SYN3: variants seen among roughly 807,000 people sequenced by gnomAD.
SYN3 encodes the protein synapsin III, also known as synapsin-3.
A neutral mutation model predicts 65.8 loss-of-function variants in SYN3; 35 were observed. That is an observed-to-expected ratio of 0.53 (90% CI 0.41 to 0.70). The LOEUF (loss-of-function observed/expected upper bound fraction) is 0.70, where lower values mean the gene tolerates loss of function less well. SYN3 is among the 30% of genes least tolerant of loss of function. The pLI is 0.00. For synonymous variants in SYN3, 270 were observed against 292.9 expected (o/e 0.92, Z 0.80); for missense variants, 680 against 749.0 (o/e 0.91, Z 1.08).
chr22:32,971,826 G>C (rs1000833956), intron 3 of SYN3, among the ~76,000 whole-genome samples: 1 of 152,198 alleles, frequency 6.6e-6, no homozygotes, highest in Non-Finnish European at 1.5e-5. Flanking sequence ...TTCCCTGGGA[G>C]CTCCATCACT....
intron 6 of SYN3, among the ~76,000 whole-genome samples, chr22:32,605,222 A>T (rs1030090098): frequency 6.6e-6 from 1 of 152,048 alleles, no homozygotes; most frequent in African/African-American, 2.4e-5. Context: ...ATATGCGAAC[A>T]GGCAGAGTCA....
At chr22:32,516,358 T>G (rs2413124) in intron 13 of SYN3, among the ~76,000 whole-genome samples, 82,324 of 151,104 alleles carry the variant, frequency 0.54, 25,001 homozygotes, top group East Asian at 0.9. Flanking sequence ...TTTATTTATT[T>G]ATTTATTTAT....
intron 6 of SYN3, among the ~76,000 whole-genome samples, chr22:32,659,209 T>C (rs1314094133): frequency 3.3e-5 from 5 of 152,162 alleles, no homozygotes; most frequent in Admixed American, 1.3e-4. Context: ...TAAGGGAAGA[T>C]ATTTAGATTT....
Position 32,665,489 on chromosome 22 carries a change from G to GTATATATATATATATATA in SYN3, c.712-68771_712-68754dup, listed in dbSNP as rs130731. 7.1e-5 allele frequency among the ~76,000 whole-genome samples: 10 copies of GTATATATATATATATATA among 141,410 alleles called. No individual in the cohort carries two copies. The East Asian group carries it at 2.0e-3, about 29-fold the overall frequency. The allele number at this position is 141,410 out of a possible 152,430, so 92.8% of individuals were successfully genotyped here. ...GGCTGAGTAGTATGCCACAGTGTGT[G>GTATATATATATATATATA]TATATATATATATATATATATGTCT... On this transcript the variant is annotated intron_variant, in intron 6 of 13. Coordinates refer to ENST00000358763, the MANE Select transcript of SYN3 (RefSeq NM_003490.4).
intron 6 of SYN3, among the ~76,000 whole-genome samples, chr22:32,658,849 T>C (rs1367142520): frequency 6.6e-6 from 1 of 152,046 alleles, no homozygotes; most frequent in Non-Finnish European, 1.5e-5. Flanking sequence ...TGTGAAAGGA[T>C]GGGGGCGTGA....
At chr22:32,866,028 G>A (rs964587836) in intron 5 of SYN3, among the ~76,000 whole-genome samples, 3 of 152,304 alleles carry the variant, frequency 2.0e-5, no homozygotes, top group African/African-American at 7.2e-5. Context: ...AGACGAGGTG[G>A]AAGCATGATC....
intron 4 of SYN3, among the ~76,000 whole-genome samples, chr22:32,875,696 G>C (rs541472887): frequency 2.0e-5 from 3 of 152,322 alleles, no homozygotes; most frequent in African/African-American, 7.2e-5. Context: ...GGGAGTCAGA[G>C]ATTGGAGTGA....
chr22:32,934,986 G>A (rs1317586624), intron 3 of SYN3, among the ~76,000 whole-genome samples: 2 of 152,216 alleles, frequency 1.3e-5, no homozygotes, highest in East Asian at 1.9e-4. Context: ...AGGAGCCAAG[G>A]AAGGTCTCCC....
chr22:32,962,935 C>T (rs1038241586), intron 3 of SYN3, among the ~76,000 whole-genome samples: 1 of 150,742 alleles, frequency 6.6e-6, no homozygotes. Context: ...ATAATAATGA[C>T]TCTTAAACAA....
At chr22:33,039,807 T>C (rs1276438695) in intron 1 of SYN3, among the ~76,000 whole-genome samples, 1 of 152,196 alleles carries the variant, frequency 6.6e-6, no homozygotes, top group Admixed American at 6.5e-5. Flanking sequence ...ATTATATATT[T>C]ACTTTTGTAG....
At chr22:32,928,055 G>A (rs978052138) in intron 4 of SYN3, among the ~76,000 whole-genome samples, 9 of 152,192 alleles carry the variant, frequency 5.9e-5, no homozygotes, top group African/African-American at 1.9e-4. Flanking sequence ...TATTGGCCGG[G>A]CGCAGTGGCT....
intron 6 of SYN3, among the ~76,000 whole-genome samples, chr22:32,737,554 G>A (rs986256813): frequency 6.6e-6 from 1 of 151,960 alleles, no homozygotes; most frequent in Non-Finnish European, 1.5e-5. Flanking sequence ...CTATGAGTGA[G>A]AACATGAGGT....
chr22:33,032,895 A>G (rs1049362957), intron 1 of SYN3, among the ~76,000 whole-genome samples: 2 of 151,148 alleles, frequency 1.3e-5, no homozygotes, highest in Non-Finnish European at 2.9e-5. Flanking sequence ...GATTTTACTT[A>G]TATTTCCTGT....
Position 32,858,230 on chromosome 22 carries a change from G to A in SYN3, c.711+6685C>T, listed in dbSNP as rs1162836149. 3.8e-5 allele frequency: 60 copies of A among 1,560,916 alleles called. 2 individuals carry two copies. The South Asian group carries it at 6.0e-4, about 16-fold the overall frequency. On this transcript the variant is annotated intron_variant, in intron 6 of 13. Transcript: ENST00000358763. ...CCAATGCACTGGGTGCCAGGCCCTC[G>A]GCTGGGAAGGGTATGCATGTGTTAG...
intron 6 of SYN3, among the ~76,000 whole-genome samples, chr22:32,609,539 TGGTCGTAG>T (rs2059414192): frequency 2.7e-5 from 4 of 150,124 alleles, no homozygotes. Flanking sequence ...TACAGTGGCG[TGGTCGTAG>T]CTCACTGTAA....
In SYN3 at chr22:32,920,640, C is replaced by T. The variant is rs905660786; in HGVS notation, c.461+10750G>A. 3.9e-5 allele frequency among the ~76,000 whole-genome samples: 6 copies of T among 152,272 alleles called. 1 individual carries two copies. Among genetic ancestry groups the T allele is most frequent in the East Asian group, 1.9e-4 (1 of 5,174 alleles). ...AGAATCTGACCTTGTAAGCAGGGAC[C>T]TGGTCTATTTTGTCCACTGGTCCCC... On this transcript the variant is annotated intron_variant, in intron 4 of 13. Coordinates refer to ENST00000358763, the MANE Select transcript of SYN3 (RefSeq NM_003490.4).
chr22:32,637,842 T>C (rs2059840224), intron 6 of SYN3, among the ~76,000 whole-genome samples: 1 of 152,022 alleles, frequency 6.6e-6, no homozygotes, highest in African/African-American at 2.4e-5. Context: ...TTTCACCATG[T>C]TGGCGAGGCT....
intron 6 of SYN3, among the ~76,000 whole-genome samples, chr22:32,809,110 C>G (rs2046842565): frequency 6.6e-6 from 1 of 152,260 alleles, no homozygotes; most frequent in Non-Finnish European, 1.5e-5. Flanking sequence ...GTGCCAGGCA[C>G]TGTACCAAGC....
At chr22:32,556,110 G>A (rs954839863) in intron 7 of SYN3, among the ~76,000 whole-genome samples, 27 of 152,050 alleles carry the variant, frequency 1.8e-4, no homozygotes, top group Non-Finnish European at 1.0e-4. Flanking sequence ...ATTTTTTCAC[G>A]GCATTCTTAA....
Sources: gnomAD v4.1 joint callset for allele counts (sites outside exome capture counted in the v4.1 genomes callset) on GRCh38, gnomAD v4.1.1 for gene constraint, MANE v1.5 for transcripts, NCBI Gene and HGNC (gene_info 2026-07-23, HGNC 2026-07-21) for gene names.